The following CALR variants were observed in gnomAD, a reference collection of about 807,000 sequenced individuals.
CALR encodes the protein calreticulin.
In CALR, 15 loss-of-function variants were observed where a neutral mutation model predicts 51.1. That is an observed-to-expected ratio of 0.29 (90% confidence interval 0.20 to 0.45). The LOEUF (loss-of-function observed/expected upper bound fraction) is 0.45, where lower values mean the gene tolerates loss of function less well. Among genes scored for constraint, CALR ranks in the 20% least tolerant of loss-of-function variants. The pLI is 1.00. For missense variants in CALR, 477 were observed against 530.6 expected, an observed-to-expected ratio of 0.90 and a Z score of 0.99; for synonymous variants, 239 against 205.9, an observed-to-expected ratio of 1.16 and a Z score of -1.38.
chr19:12,938,845 G>A, intron 1 of CALR, 75 bp downstream of exon 1: 4 of 1,152,904 alleles, frequency 3.5e-6, no homozygotes, highest in East Asian at 2.5e-5. Flanking sequence ...GTTGTCGCCC[G>A]TAATTACCGT....
intron 2 of CALR, 32 bp downstream of exon 2, chr19:12,939,267 G>C (rs1440048549): frequency 2.0e-6 from 3 of 1,513,776 alleles, no homozygotes; most frequent in Non-Finnish European, 2.7e-6. Flanking sequence ...CTCAGATCCG[G>C]GAGGACTTCC....
chr19:12,942,448 T>G (rs1206256013), intron 7 of CALR, among the ~76,000 whole-genome samples: 1 of 151,822 alleles, frequency 6.6e-6, no homozygotes, highest in Non-Finnish European at 1.5e-5. Context: ...TGGCATGTAG[T>G]AGGTACCTGA....
In CALR at chr19:12,944,231, G is replaced by C. The variant is rs1971596489; in HGVS notation, c.*318G>C. The C allele has an allele frequency of 4.2e-6, 2 of 476,116 alleles. No individual in the cohort carries two copies. Among genetic ancestry groups the C allele is most frequent in the Admixed American group, 3.4e-5 (1 of 29,162 alleles). The allele number at this position is 476,116 out of a possible 1,614,324, so 29.5% of individuals were successfully genotyped here. Reference sequence around the variant, plus strand: ...TCTTAGCTCCCCTCCAACCTGGGGGGCAGTGGTGTGGAGAAGCCACAGGCC... The same window carrying C: ...TCTTAGCTCCCCTCCAACCTGGGGGCCAGTGGTGTGGAGAAGCCACAGGCC... On this transcript the variant is annotated 3_prime_UTR_variant, in exon 9 of 9. Coordinates refer to ENST00000316448, the MANE Select transcript of CALR (RefSeq NM_004343.4).
rs1971511847 is a variant in CALR at position 12,939,292 on chromosome 19, G to A, written c.193+57G>A. On this transcript the variant is annotated intron_variant, in intron 2 of 8. Transcript: ENST00000316448. ...GGAGGACTTCCTGGCAGAAGTCCTT[G>A]TCTGTACACACACAGCCGGGACAGT... The A allele has an allele frequency of 2.1e-6, 3 of 1,434,842 alleles. No homozygotes were observed. The South Asian group carries it at 3.5e-5, about 17-fold the overall frequency. 88.9% of individuals were successfully genotyped at this position (1,434,842 alleles called of 1,614,324 possible).
At chr19:12,942,099 C>T (rs1225007142) in intron 7 of CALR, among the ~76,000 whole-genome samples, 2 of 151,844 alleles carry the variant, frequency 1.3e-5, no homozygotes, top group African/African-American at 4.8e-5. Context: ...GTGGCTCACA[C>T]CTGTAATCCC....
rs745527158 is a variant in CALR, at chr19:12,939,537, G to A, written c.303G>A (p.Gln101=). The A allele has an allele frequency of 3.7e-6, 6 of 1,613,914 alleles. No individual in the cohort carries two copies. Among genetic ancestry groups the A allele is most frequent in the Non-Finnish European group, 5.1e-6 (6 of 1,180,006 alleles). Residue 101 remains glutamine (Q), a synonymous_variant, in exon 3 of 9, where the codon CAG becomes CAA. Coordinates refer to ENST00000316448, the MANE Select transcript of CALR (RefSeq NM_004343.4). The stretch of plus-strand genomic sequence containing the variant: ...TGCAGTTCACGGTGAAACATGAGCA[G>A]AACATCGACTGTGGGGGCGGCTATG... ...LVVQFTVKHE[Q]NIDCGGGYVK...
Position 12,939,620 on chromosome 19 carries a change from ACAT to A in CALR, c.390_392del (p.Ile130del). 6.2e-7 allele frequency: 1 copy of A among 1,613,826 alleles called. No homozygotes were observed. The highest frequency in any genetic ancestry group is 8.5e-7 in the Non-Finnish European group (1 of 1,179,790). ...GACATGCACGGAGACTCAGAATACA[ACAT>A]CATGTTTGGTGAGGGCCTGCTTCCT... On this transcript the variant is annotated inframe_deletion, in exon 3 of 9. Transcript: ENST00000316448.
chr19:12,941,762 C>T (rs921835447), intron 7 of CALR, among the ~76,000 whole-genome samples: 6 of 150,782 alleles, frequency 4.0e-5, no homozygotes, highest in Non-Finnish European at 7.4e-5. Context: ...GGATTACAGG[C>T]GTGAGCCACC....
At position 12,939,642 on chromosome 19, in the gene CALR, G is replaced by C; in HGVS notation, c.397+11G>C. The stretch of plus-strand genomic sequence containing the variant: ...ACAACATCATGTTTGGTGAGGGCCT[G>C]CTTCCTGGTGCTGATCTCTGTCCCA... On this transcript the variant is annotated intron_variant, in intron 3 of 8. Transcript: ENST00000316448. The C allele has an allele frequency of 1.2e-6, 2 of 1,604,824 alleles. No homozygotes were observed. The highest frequency in any genetic ancestry group is 1.7e-6 in the Non-Finnish European group (2 of 1,171,654).
intron 1 of CALR, 130 bp from the exon 2 acceptor site, chr19:12,939,004 T>A (rs906643706): frequency 1.5e-5 from 11 of 730,244 alleles, no homozygotes; most frequent in Admixed American, 2.1e-5. Flanking sequence ...CGTGTCAAAC[T>A]AGAGGTTGGA....
chr19:12,943,990 TGAGACTC>T lies in CALR; in HGVS notation c.*82_*88del. ...CTGGCCGCGCCAAATAATGTCTCTG[TGAGACTC>T]GAGAACTTTCATTTTTTTCCAGGCT... On this transcript the variant is annotated 3_prime_UTR_variant, in exon 9 of 9. Transcript: ENST00000316448. 6.3e-7 allele frequency: 1 copy of T among 1,582,384 alleles called. No homozygotes were observed. The highest frequency in any genetic ancestry group is 2.3e-5 in the East Asian group (1 of 43,738).
chr19:12,938,723 C>G lies in CALR; in HGVS notation c.44C>G (p.Ala15Gly), dbSNP rs1378379005. ...CTGCTGCTCGGCCTCCTCGGCCTGG[C>G]CGTCGCCGAGCCTGCCGTCTACTTC... ...VPLLLGLLGL[A>G]VAEPAVYFKE... The change falls in exon 1 of 9, where the codon GCC (alanine) becomes GGC (glycine). Residue 15 changes from alanine to glycine, a missense_variant. Ala to Gly is a moderately conservative substitution (Grantham distance 60). Transcript: ENST00000316448. The G allele has an allele frequency of 3.1e-6, 5 of 1,611,424 alleles. No homozygotes were observed. In the Admixed American group the frequency reaches 8.3e-5, roughly 27 times the overall value.
chr19:12,942,676 C>T (rs574561867), intron 7 of CALR, among the ~76,000 whole-genome samples: 1 of 150,734 alleles, frequency 6.6e-6, no homozygotes, highest in East Asian at 2.0e-4. Flanking sequence ...CTCACTGCAG[C>T]CTCTGCCTTC....
Position 12,943,826 on chromosome 19 carries a change from G to A in CALR, c.1167G>A (p.Glu389=), listed in dbSNP as rs767929271. The change falls in exon 9 of 9, where the codon GAG becomes GAA. Residue 389 remains glutamate (E), a synonymous_variant. Coordinates refer to ENST00000316448, the MANE Select transcript of CALR (RefSeq NM_004343.4). ...EEEAEDKEDD[E]DKDEDEEDEE... Reference sequence around the variant, plus strand: ...AGGCAGAGGACAAGGAGGATGATGAGGACAAAGATGAGGATGAGGAGGATG... The same window carrying A: ...AGGCAGAGGACAAGGAGGATGATGAAGACAAAGATGAGGATGAGGAGGATG... 5.7e-6 allele frequency: 9 copies of A among 1,580,510 alleles called. No individual in the cohort carries two copies. The highest frequency in any genetic ancestry group is 5.6e-5 in the Admixed American group (3 of 53,584).
Position 12,940,292 on chromosome 19 carries a change from C to G in CALR, c.542C>G (p.Thr181Ser). ...LYTLIVRPDN[T>S]YEVKIDNSQV... is the part of the protein sequence containing the mutation. ...ACACTGATTGTGCGGCCAGACAACACCTATGAGGTGAAGATTGACAACAGC... is the reference window on the plus strand; with the variant it reads ...ACACTGATTGTGCGGCCAGACAACAGCTATGAGGTGAAGATTGACAACAGC... Residue 181 changes from threonine (T) to serine (S), a missense_variant, in exon 5 of 9, where the codon ACC becomes AGC. Coordinates refer to ENST00000316448, the MANE Select transcript of CALR (RefSeq NM_004343.4). 1.2e-6 allele frequency: 2 copies of G among 1,614,160 alleles called. No homozygotes were observed. The highest frequency in any genetic ancestry group is 1.1e-5 in the South Asian group (1 of 91,086).
At position 12,939,451 on chromosome 19, in the gene CALR, C is replaced by T. The variant is rs370585408; in HGVS notation, c.217C>T (p.Arg73Cys). 6.2e-7 allele frequency: 1 copy of T among 1,612,426 alleles called. No individual in the cohort carries two copies. The change falls in exon 3 of 9, where the codon CGC becomes TGC. Residue 73 changes from arginine to cysteine, a missense_variant. By Grantham distance (180) the Arg-to-Cys change is radical. Coordinates refer to ENST00000316448, the MANE Select transcript of CALR (RefSeq NM_004343.4). ...DKGLQTSQDARFYALSASFEP... is the reference protein window; with the variant it reads ...DKGLQTSQDACFYALSASFEP... ...AGGTTTGCAGACAAGCCAGGATGCA[C>T]GCTTTTATGCTCTGTCGGCCAGTTT...
intron 7 of CALR, 92 bp downstream of exon 7, chr19:12,940,979 A>G (rs2146016427): frequency 8.0e-7 from 1 of 1,243,422 alleles, no homozygotes; most frequent in African/African-American, 1.5e-5. Flanking sequence ...ACCCCAGGTG[A>G]GTCTGACTCA....
Position 12,943,860 on chromosome 19 carries a change from AAGGAGGAAGATG to A in CALR, c.1214_1225del (p.Glu405_Asp408del), listed in dbSNP as rs778508102. On this transcript the variant is annotated inframe_deletion, in exon 9 of 9. Transcript: ENST00000316448. ...TGAGGATGAGGAGGATGAGGAGGAC[AAGGAGGAAGATG>A]AGGAGGAAGATGTCCCCGGCCAGGC... 3.3e-5 allele frequency: 53 copies of A among 1,584,028 alleles called. No homozygotes were observed. The highest frequency in any genetic ancestry group is 2.1e-4 in the South Asian group (18 of 87,146).
At chr19:12,943,378 C>T in intron 7 of CALR, 159 bp from the exon 8 acceptor site, 1 of 717,816 alleles carries the variant, frequency 1.4e-6, no homozygotes, top group Admixed American at 2.1e-5. Flanking sequence ...CCTCACCTGG[C>T]CTCTCCATCT....
Sources: allele counts gnomAD v4.1 joint callset (sites outside exome capture counted in the v4.1 genomes callset), GRCh38; gene constraint gnomAD v4.1.1; transcripts MANE v1.5; gene names NCBI Gene and HGNC (gene_info 2026-07-23, HGNC 2026-07-21).